CDH12: variants seen among roughly 807,000 people sequenced by gnomAD.
The protein encoded by CDH12 is cadherin-12.
In CDH12, 41 loss-of-function variants were observed where a neutral mutation model predicts 74.1. That is an observed-to-expected ratio of 0.55 (90% CI 0.43 to 0.72). The LOEUF (loss-of-function observed/expected upper bound fraction) is 0.72, where lower values mean the gene tolerates loss of function less well. Ranked by LOEUF, CDH12 falls within the 30% of genes least tolerant of loss-of-function variation. The probability of loss-of-function intolerance (pLI) is 0.00; values close to 1 mark genes in which losing one functional copy is unlikely to be tolerated. For synonymous variants in CDH12, 399 were observed against 355.0 expected, an observed-to-expected ratio of 1.12 and a Z score of -1.39; for missense variants, 945 against 977.2, an observed-to-expected ratio of 0.97 and a Z score of 0.44.
At chr5:21,918,131 ACTG>A (rs983804968) in intron 6 of CDH12, among the ~76,000 whole-genome samples, 3 of 126,930 alleles carry the variant, frequency 2.4e-5, no homozygotes, top group East Asian at 2.7e-4. Flanking sequence ...ATGCTGATAC[ACTG>A]CTATTTTTAA....
At chr5:21,905,376 G>A (rs887730455) in intron 6 of CDH12, among the ~76,000 whole-genome samples, 6 of 152,304 alleles carry the variant, frequency 3.9e-5, no homozygotes, top group African/African-American at 1.4e-4. Context: ...ACTTTTGATT[G>A]GATGCTTGCT....
chr5:22,226,451 C>A (rs1187514472), intron 3 of CDH12, among the ~76,000 whole-genome samples: 2 of 151,110 alleles, frequency 1.3e-5, no homozygotes, highest in Non-Finnish European at 3.0e-5. Context: ...GGGGAAGAAC[C>A]AGAAAGTAAC....
chr5:22,714,255 T>C (rs1462899531), intron 1 of CDH12, among the ~76,000 whole-genome samples: 1 of 152,198 alleles, frequency 6.6e-6, no homozygotes, highest in East Asian at 1.9e-4. Flanking sequence ...AGTTAACCCG[T>C]GACGTCTGAA....
intron 1 of CDH12, among the ~76,000 whole-genome samples, chr5:22,777,604 A>ATG (rs912302979): frequency 3.3e-5 from 5 of 151,330 alleles, no homozygotes; most frequent in East Asian, 1.9e-4. Flanking sequence ...CTGTGTATGT[A>ATG]TGTGTGTGTG....
intron 1 of CDH12, among the ~76,000 whole-genome samples, chr5:22,605,949 C>A (rs1328818508): frequency 6.6e-6 from 1 of 152,194 alleles, no homozygotes; most frequent in Non-Finnish European, 1.5e-5. Flanking sequence ...AGCAGCATCT[C>A]TGTTGGGGTG....
At chr5:22,611,824 T>C (rs1561527704) in intron 1 of CDH12, among the ~76,000 whole-genome samples, 1 of 152,000 alleles carries the variant, frequency 6.6e-6, no homozygotes, top group Non-Finnish European at 1.5e-5. Context: ...GGGCAAAGAT[T>C]AGGACACAGA....
intron 2 of CDH12, among the ~76,000 whole-genome samples, chr5:22,437,770 C>A (rs1744465627): frequency 6.6e-6 from 1 of 151,830 alleles, no homozygotes. Flanking sequence ...TTAAAGTATT[C>A]TTAACTTAGG....
chr5:21,841,427 G>C (rs369745743), intron 8 of CDH12, among the ~76,000 whole-genome samples: 2 of 151,208 alleles, frequency 1.3e-5, no homozygotes, highest in South Asian at 4.2e-4. Context: ...AAACTAGTTC[G>C]ACCATTGTGG....
chr5:22,360,975 T>C (rs1740778255), intron 3 of CDH12, among the ~76,000 whole-genome samples: 2 of 152,174 alleles, frequency 1.3e-5, no homozygotes, highest in South Asian at 2.1e-4. Flanking sequence ...GCCAGTATCA[T>C]ACTGAATGGG....
chr5:22,018,790 G>T (rs989488520), intron 5 of CDH12, among the ~76,000 whole-genome samples: 17 of 152,038 alleles, frequency 1.1e-4, no homozygotes, highest in African/African-American at 4.1e-4. Context: ...CAGAAATGTT[G>T]GCCAGGCACG....
chr5:22,002,293 C>T (rs1293480434), intron 5 of CDH12, among the ~76,000 whole-genome samples: 1 of 151,834 alleles, frequency 6.6e-6, no homozygotes, highest in East Asian at 1.9e-4. Context: ...TTTTGTAAAA[C>T]ATTTTAAAAA....
chr5:22,680,975 A>G (rs944076268), intron 1 of CDH12, among the ~76,000 whole-genome samples: 3 of 152,068 alleles, frequency 2.0e-5, no homozygotes, highest in Non-Finnish European at 2.9e-5. Flanking sequence ...TTTTTAAAAT[A>G]TATTTTTAAA....
intron 1 of CDH12, among the ~76,000 whole-genome samples, chr5:22,658,411 T>C (rs977891724): frequency 3.3e-5 from 5 of 152,184 alleles, no homozygotes; most frequent in African/African-American, 9.6e-5. Flanking sequence ...TGTATAAAGG[T>C]ATATATTTTC....
At chr5:22,472,582 C>A (rs913113515) in intron 2 of CDH12, among the ~76,000 whole-genome samples, 2 of 152,106 alleles carry the variant, frequency 1.3e-5, no homozygotes, top group Admixed American at 1.3e-4. Context: ...AACTCCAGAT[C>A]TTCTACTCAA....
At chr5:22,031,554 A>G in intron 5 of CDH12, among the ~76,000 whole-genome samples, 1 of 152,120 alleles carries the variant, frequency 6.6e-6, no homozygotes, top group African/African-American at 2.4e-5. Context: ...CTTTCAGCCT[A>G]TCTCGCCTTT....
At chr5:22,529,055 G>GTGTATATA (rs201309904) in intron 1 of CDH12, among the ~76,000 whole-genome samples, 1 of 150,860 alleles carries the variant, frequency 6.6e-6, no homozygotes, top group African/African-American at 2.4e-5. Flanking sequence ...GCATATACAT[G>GTGTATATA]TGTATATATG....
intron 10 of CDH12, among the ~76,000 whole-genome samples, chr5:21,787,256 A>C (rs1316994074): frequency 2.0e-5 from 3 of 152,140 alleles, no homozygotes; most frequent in Admixed American, 6.6e-5. Flanking sequence ...TGATACAGCA[A>C]ACCTCATTTT....
At chr5:22,563,156 A>C (rs1197649987) in intron 1 of CDH12, among the ~76,000 whole-genome samples, 1 of 151,086 alleles carries the variant, frequency 6.6e-6, no homozygotes, top group African/African-American at 2.4e-5. Flanking sequence ...GACGGAATCA[A>C]GGAACAGAGT....
At chr5:22,660,914 A>G (rs1294228082) in intron 1 of CDH12, among the ~76,000 whole-genome samples, 1 of 152,206 alleles carries the variant, frequency 6.6e-6, no homozygotes, top group East Asian at 1.9e-4. Flanking sequence ...GATTAAAAAC[A>G]CTTTGCTTTT....
Sources: allele counts gnomAD v4.1 joint callset (sites outside exome capture counted in the v4.1 genomes callset), GRCh38; gene constraint gnomAD v4.1.1; transcripts MANE v1.5; gene names NCBI Gene and HGNC (gene_info 2026-07-23, HGNC 2026-07-21).